The following RGL3 variants were observed in gnomAD, a reference collection of about 807,000 sequenced individuals.
The protein encoded by RGL3 is ral guanine nucleotide dissociation stimulator like 3.
Under a neutral mutation model 90.6 loss-of-function variants are expected in RGL3, and 85 were observed. The ratio of observed to expected loss-of-function variants is 0.94; its 90% CI spans 0.79 to 1.12. The LOEUF (loss-of-function observed/expected upper bound fraction) is 1.12. Among genes scored for constraint, RGL3 ranks in the 50% most tolerant of loss-of-function variants. The pLI, the probability that RGL3 is intolerant of heterozygous loss-of-function variation, is 0.00. For synonymous variants in RGL3, 408 were observed against 385.5 expected (o/e 1.06, Z -0.68); for missense variants, 1,034 against 939.2 (o/e 1.10, Z -1.32).
At chr19:11,399,993 C>T in intron 15 of RGL3, 42 bp from the exon 16 acceptor site, 3 of 1,594,244 alleles carry the variant, frequency 1.9e-6, no homozygotes, top group South Asian at 1.1e-5. Context: ...GCTGTGCTGA[C>T]TCCTGATCCC....
intron 18 of RGL3, among the ~76,000 whole-genome samples, chr19:11,395,281 C>A (rs982790006): frequency 1.3e-5 from 2 of 151,962 alleles, no homozygotes; most frequent in Non-Finnish European, 2.9e-5. Flanking sequence ...CCAGCCTGCA[C>A]GAGCTTGTGG....
chr19:11,396,775 C>A lies in RGL3; in HGVS notation c.2014+469G>T, dbSNP rs1968580723. Among the ~76,000 whole-genome samples the A allele has an allele frequency of 2.7e-5, 4 of 149,672 alleles. No individual in the cohort carries two copies. The South Asian group carries it at 8.6e-4, about 32-fold the overall frequency. On this transcript the variant is annotated intron_variant, in intron 18 of 18. Coordinates refer to ENST00000380456, the MANE Select transcript of RGL3 (RefSeq NM_001035223.4). ...CGCCTCCCAGATTCAAGCAATTATT[C>A]TCCTGCCTCAGCCTCCTGAGTAGCT... is the stretch of plus-strand genomic sequence containing the variant.
chr19:11,402,145 C>A lies in RGL3; in HGVS notation c.1363-13G>T. The stretch of plus-strand genomic sequence containing the variant: ...GGATCTCCCACTCCTGGAGGACGAG[C>A]CTCTAAGACCCTACCCCTGCCCCAC... On this transcript the variant is annotated splice_polypyrimidine_tract_variant and intron_variant, in intron 12 of 18. Transcript: ENST00000380456. 1 of 1,611,300 alleles carries A rather than the reference C, an allele frequency of 6.2e-7. No homozygotes were observed. The highest frequency in any genetic ancestry group is 1.1e-5 in the South Asian group (1 of 90,742).
intron 3 of RGL3, 54 bp from the exon 4 acceptor site, chr19:11,416,721 G>A (rs1232302303): frequency 6.3e-7 from 1 of 1,599,592 alleles, no homozygotes; most frequent in East Asian, 2.2e-5. Context: ...GGGGGCTTAG[G>A]AAGAGGGCTC....
chr19:11,401,909 G>T, intron 13 of RGL3, 102 bp downstream of exon 13: 1 of 1,409,488 alleles, frequency 7.1e-7, no homozygotes, highest in Non-Finnish European at 9.4e-7. Flanking sequence ...GGCTCAAGAG[G>T]GGGTCTTGGG....
At chr19:11,405,286 TG>T (rs774271217) in intron 8 of RGL3, 36 bp downstream of exon 8, 13 of 1,611,864 alleles carry the variant, frequency 8.1e-6, no homozygotes, top group Non-Finnish European at 1.1e-5. Context: ...GGGTCAGACC[TG>T]GGATGGGCTG....
rs1968525985 is a variant in RGL3, at chr19:11,394,292, G to GT, written c.*109dup. On this transcript the variant is annotated 3_prime_UTR_variant, in exon 19 of 19. Transcript: ENST00000380456. ...TCCAATGGGCTACAGTTGGGTGGTG[G>GT]TCCTGGGATACACAGCACAGTGGCC... 1.2e-6 allele frequency: 1 copy of GT among 810,318 alleles called. No individual in the cohort carries two copies. 50.2% of individuals were successfully genotyped at this position (810,318 alleles called of 1,614,324 possible).
chr19:11,394,717 G>T, intron 18 of RGL3, 197 bp from the exon 19 acceptor site: 1 of 553,584 alleles, frequency 1.8e-6, no homozygotes, highest in Non-Finnish European at 3.3e-6. Flanking sequence ...ACCACCTCAT[G>T]CCTTCCCTTA....
Position 11,414,154 on chromosome 19 carries a change from TATATATATATATATATATATATAC to T in RGL3, c.637+1759_637+1782del, listed in dbSNP as rs1968922020. Among the ~76,000 whole-genome samples, 7 of 87,208 alleles carry T rather than the reference TATATATATATATATATATATATAC, an allele frequency of 8.0e-5. 1 individual carries two copies. The highest frequency in any genetic ancestry group is 2.7e-4 in the Admixed American group (2 of 7,312). The allele number at this position is 87,208 out of a possible 152,430, so 57.2% of individuals were successfully genotyped here. On this transcript the variant is annotated intron_variant, in intron 5 of 18. Coordinates refer to ENST00000380456, the MANE Select transcript of RGL3 (RefSeq NM_001035223.4). Reference sequence around the variant, plus strand: ...GAAATCATATATATATATATATATATATATATATATATATATATATATACACCTATATATATATACCTTTATATA... The same window carrying T: ...GAAATCATATATATATATATATATATACCTATATATATATACCTTTATATA...
chr19:11,402,765 C>A (rs370499657), intron 9 of RGL3, 59 bp from the exon 10 acceptor site: 2 of 1,455,040 alleles, frequency 1.4e-6, no homozygotes, highest in Non-Finnish European at 9.6e-7. Context: ...TCCTCAGGAA[C>A]GATGCCTGCA....
At chr19:11,401,645 C>A (rs912355988) in intron 13 of RGL3, among the ~76,000 whole-genome samples, 1 of 152,014 alleles carries the variant, frequency 6.6e-6, no homozygotes, top group Non-Finnish European at 1.5e-5. Context: ...ATGTGATTCA[C>A]CCGCCTCGGC....
chr19:11,402,644 A>T lies in RGL3; in HGVS notation c.1242+6T>A, dbSNP rs781304340. The T allele has an allele frequency of 8.2e-5, 133 of 1,613,516 alleles. No homozygotes were observed. Among genetic ancestry groups the T allele is most frequent in the Non-Finnish European group, 1.1e-4 (131 of 1,179,886 alleles). On this transcript the variant is annotated splice_donor_region_variant and intron_variant, in intron 10 of 18. Coordinates refer to ENST00000380456, the MANE Select transcript of RGL3 (RefSeq NM_001035223.4). ...CTTGTCCCCATCCCAAACTGTAATCACTCACTGAGGGCAGGCTGCCTGGGG... is the reference window on the plus strand; with the variant it reads ...CTTGTCCCCATCCCAAACTGTAATCTCTCACTGAGGGCAGGCTGCCTGGGG...
intron 5 of RGL3, 126 bp from the exon 6 acceptor site, chr19:11,406,990 ATTTT>A: frequency 3.9e-6 from 3 of 765,474 alleles, no homozygotes; most frequent in Non-Finnish European, 5.8e-6. Flanking sequence ...GCTCTCTTAA[ATTTT>A]TTTTTTTTTT....
In RGL3 at chr19:11,397,330, A is replaced by G; in HGVS notation, c.1928T>C (p.Val643Ala). ...LLTSQDKAPSVVRRALQKHNV... is the reference protein window; with the variant it reads ...LLTSQDKAPSAVRRALQKHNV... ...GTGCTTCTGCAAGGCTCGCCGGACC[A>G]CGCTGGGGGCTTTGTCCTGACTGGT... Residue 643 changes from valine (V) to alanine (A), a missense_variant, in exon 18 of 19, where the codon GTG becomes GCG. Physicochemically the swap from Val to Ala is moderately conservative, Grantham distance 64 (BLOSUM62 0). Transcript: ENST00000380456. The G allele has an allele frequency of 6.2e-7, 1 of 1,608,622 alleles. No homozygotes were observed. The highest frequency in any genetic ancestry group is 8.5e-7 in the Non-Finnish European group (1 of 1,177,308).
In RGL3 at chr19:11,399,893, G is replaced by A. The variant is rs779188410; in HGVS notation, c.1708C>T (p.Pro570Ser). ...PRSRDAPAGS[P>S]PASPGPQGPS... ...CCCTGGGGCCCTGGAGAGGCCGGGG[G>A]ACTGCCAGCAGGAGCATCTCTGCTT... The change falls in exon 16 of 19, where the codon CCC becomes TCC. Residue 570 changes from proline (P) to serine (S), a missense_variant. Transcript: ENST00000380456. 9.2e-6 allele frequency: 14 copies of A among 1,520,520 alleles called. No individual in the cohort carries two copies. In the South Asian group the frequency reaches 1.6e-4, roughly 17 times the overall value. 94.2% of individuals were successfully genotyped at this position (1,520,520 alleles called of 1,614,324 possible).
chr19:11,407,601 G>A (rs547108369), intron 5 of RGL3, among the ~76,000 whole-genome samples: 1 of 151,974 alleles, frequency 6.6e-6, no homozygotes, highest in South Asian at 2.1e-4. Context: ...CTGGTTCAGG[G>A]AAGGCTATTG....
chr19:11,396,086 A>C (rs1599427378), intron 18 of RGL3, among the ~76,000 whole-genome samples: 5 of 110,418 alleles, frequency 4.5e-5, no homozygotes, highest in East Asian at 2.9e-4. Flanking sequence ...GGCACATGCC[A>C]CCATGCTCAG....
chr19:11,400,241 C>A lies in RGL3; in HGVS notation c.1541G>T (p.Arg514Leu). Residue 514 changes from arginine to leucine, a missense_variant, in exon 14 of 19, where the codon CGC (arginine) becomes CTC (leucine). Transcript: ENST00000380456. ...PPAASCPSSP[R>L]IRRRISLTKR... ...GGTGAGGCTGATCCGCCGTCGGATGCGTGGGGAGCTGGGGCAGGAGGCAGC... is the reference window on the plus strand; with the variant it reads ...GGTGAGGCTGATCCGCCGTCGGATGAGTGGGGAGCTGGGGCAGGAGGCAGC... 6.3e-7 allele frequency: 1 copy of A among 1,596,354 alleles called. No homozygotes were observed. The highest frequency in any genetic ancestry group is 8.5e-7 in the Non-Finnish European group (1 of 1,170,860).
At chr19:11,414,665 G>A (rs965019489) in intron 5 of RGL3, among the ~76,000 whole-genome samples, 3 of 150,750 alleles carry the variant, frequency 2.0e-5, no homozygotes, top group African/African-American at 7.3e-5. Flanking sequence ...AGATGCTTTT[G>A]TGATGTGGAT....
Sources: gnomAD v4.1 joint callset for allele counts (sites outside exome capture counted in the v4.1 genomes callset) on GRCh38, gnomAD v4.1.1 for gene constraint, MANE v1.5 for transcripts, NCBI Gene and HGNC (gene_info 2026-07-23, HGNC 2026-07-21) for gene names.